The following NDST3 variants were observed in gnomAD, a reference collection of about 807,000 sequenced individuals.
NDST3 encodes N-deacetylase and N-sulfotransferase 3, also known as bifunctional heparan sulfate N-deacetylase/N-sulfotransferase 3.
In NDST3, 58 loss-of-function variants were observed where a neutral mutation model predicts 96.1. The observed-to-expected ratio is 0.60, with a 90% CI of 0.49 to 0.75. The LOEUF (loss-of-function observed/expected upper bound fraction) is 0.75. NDST3 is among the 30% of genes least tolerant of loss of function. The pLI is 0.00. For missense variants in NDST3, 788 were observed against 1,034.2 expected (o/e 0.76, Z 3.27); for synonymous variants, 333 against 359.7 (o/e 0.93, Z 0.84).
intron 2 of NDST3, among the ~76,000 whole-genome samples, chr4:118,093,638 T>C (rs926854015): frequency 6.6e-6 from 1 of 151,952 alleles, no homozygotes; most frequent in Non-Finnish European, 1.5e-5. Context: ...AATCAGTTTA[T>C]GTATATTCCT....
intron 6 of NDST3, among the ~76,000 whole-genome samples, chr4:118,200,362 T>C (rs1737992838): frequency 6.6e-6 from 1 of 152,206 alleles, no homozygotes; most frequent in Non-Finnish European, 1.5e-5. Flanking sequence ...ACTGCCAGAC[T>C]ACCACCATGT....
At chr4:118,176,715 C>A (rs2125944414) in intron 6 of NDST3, among the ~76,000 whole-genome samples, 1 of 152,210 alleles carries the variant, frequency 6.6e-6, no homozygotes, top group African/African-American at 2.4e-5. Context: ...GAGACACCCA[C>A]TACACTAATT....
chr4:118,114,978 T>C lies in NDST3; in HGVS notation c.1224+18T>C, dbSNP rs1401222397. Reference sequence around the variant, plus strand: ...TTGCCTTAGTAAGTAACTCACTTTGTTGCATTGAAGTAGTGTACACTGATT... The same window carrying C: ...TTGCCTTAGTAAGTAACTCACTTTGCTGCATTGAAGTAGTGTACACTGATT... On this transcript the variant is annotated intron_variant, in intron 4 of 13. Transcript: ENST00000296499. 1 of 1,613,206 alleles carries C rather than the reference T, an allele frequency of 6.2e-7. No individual in the cohort carries two copies. Among genetic ancestry groups the C allele is most frequent in the Admixed American group, 1.7e-5 (1 of 60,026 alleles).
At chr4:118,176,009 A>G (rs1045640064) in intron 6 of NDST3, among the ~76,000 whole-genome samples, 17 of 152,242 alleles carry the variant, frequency 1.1e-4, no homozygotes, top group African/African-American at 4.1e-4. Context: ...TTACCTCCAA[A>G]GTGGCAAAAA....
chr4:118,183,038 C>T (rs1365352109), intron 6 of NDST3, among the ~76,000 whole-genome samples: 1 of 152,126 alleles, frequency 6.6e-6, no homozygotes, highest in Admixed American at 6.6e-5. Flanking sequence ...AAACAATCAC[C>T]AGATTCACTA....
At chr4:118,216,891 C>G (rs545646157) in intron 6 of NDST3, among the ~76,000 whole-genome samples, 1 of 152,168 alleles carries the variant, frequency 6.6e-6, no homozygotes, top group South Asian at 2.1e-4. Context: ...CTGGAGCCAG[C>G]TCAAAGCACA....
chr4:118,154,110 T>C (rs1403862531), intron 6 of NDST3, among the ~76,000 whole-genome samples: 1 of 152,110 alleles, frequency 6.6e-6, no homozygotes, highest in Non-Finnish European at 1.5e-5. Context: ...ACACAATAAA[T>C]GCTACACTAA....
At chr4:118,037,437 C>A (rs1158935133) in intron 1 of NDST3, among the ~76,000 whole-genome samples, 1 of 152,182 alleles carries the variant, frequency 6.6e-6, no homozygotes, top group African/African-American at 2.4e-5. Context: ...TACCTACCTG[C>A]CTAAGATCAC....
At chr4:118,039,100 AT>A (rs1027042982) in intron 1 of NDST3, among the ~76,000 whole-genome samples, 1 of 152,186 alleles carries the variant, frequency 6.6e-6, no homozygotes, top group African/African-American at 2.4e-5. Context: ...AATGGTTAAT[AT>A]TTGCTTGGTG....
chr4:118,111,532 A>G (rs1730632485), intron 3 of NDST3, among the ~76,000 whole-genome samples: 1 of 95,592 alleles, frequency 1.0e-5, no homozygotes, highest in Non-Finnish European at 2.3e-5. Flanking sequence ...ATTTTTAATC[A>G]TGATTTTTTT....
intron 1 of NDST3, 135 bp from the exon 2 acceptor site, chr4:118,053,621 A>G (rs969248018): frequency 3.3e-5 from 8 of 244,800 alleles, no homozygotes; most frequent in Non-Finnish European, 6.3e-5. Flanking sequence ...TGGGAGAAGA[A>G]AAGGGAGGGC....
intron 2 of NDST3, among the ~76,000 whole-genome samples, chr4:118,063,218 A>G (rs966702832): frequency 6.6e-6 from 1 of 151,236 alleles, no homozygotes; most frequent in Non-Finnish European, 1.5e-5. Flanking sequence ...GTCTGATGCA[A>G]TGAATCCAAC....
intron 6 of NDST3, chr4:118,193,385 G>A (rs1737442206): frequency 1.7e-6 from 1 of 583,900 alleles, no homozygotes; most frequent in African/African-American, 1.9e-5. Flanking sequence ...AGCCACAGGA[G>A]TAGGGCTGGT....
intron 6 of NDST3, chr4:118,194,247 T>G (rs753186381): frequency 1.5e-5 from 11 of 724,822 alleles, no homozygotes; most frequent in Non-Finnish European, 2.8e-5. Flanking sequence ...GCAATCTCCA[T>G]GATAGCACCC....
chr4:118,064,851 G>A (rs1243136138), intron 2 of NDST3, among the ~76,000 whole-genome samples: 1 of 152,140 alleles, frequency 6.6e-6, no homozygotes, highest in Non-Finnish European at 1.5e-5. Flanking sequence ...GGAGGCTCTA[G>A]GGGAGAACCC....
chr4:118,195,497 T>C (rs1191024743), intron 6 of NDST3, among the ~76,000 whole-genome samples: 4 of 152,238 alleles, frequency 2.6e-5, no homozygotes, highest in Non-Finnish European at 5.9e-5. Context: ...CTTCCCAGCC[T>C]TGTGGAACTG....
At chr4:118,185,502 A>G (rs1462916579) in intron 6 of NDST3, among the ~76,000 whole-genome samples, 4 of 150,938 alleles carry the variant, frequency 2.7e-5, no homozygotes, top group African/African-American at 9.7e-5. Flanking sequence ...TACATATGAT[A>G]TATGTAGATA....
chr4:118,177,198 T>A (rs1262284416), intron 6 of NDST3, among the ~76,000 whole-genome samples: 1 of 152,048 alleles, frequency 6.6e-6, no homozygotes, highest in East Asian at 1.9e-4. Context: ...AGATAATGTA[T>A]GTGAAGGTAC....
At chr4:118,251,475 C>A (rs1741731612) in intron 12 of NDST3, among the ~76,000 whole-genome samples, 1 of 152,042 alleles carries the variant, frequency 6.6e-6, no homozygotes, top group Admixed American at 6.6e-5. Flanking sequence ...TTTTTACATA[C>A]AACATGAGGT....
Sources: allele counts gnomAD v4.1 joint callset (sites outside exome capture counted in the v4.1 genomes callset), GRCh38; gene constraint gnomAD v4.1.1; transcripts MANE v1.5; gene names NCBI Gene and HGNC (gene_info 2026-07-23, HGNC 2026-07-21).